Variants in DNAH7 observed in about 807,000 individuals in gnomAD.
DNAH7 encodes the protein axonemal beta dynein heavy chain 7.
A neutral mutation model predicts 444.6 loss-of-function variants in DNAH7; 397 were observed. The ratio of observed to expected loss-of-function variants is 0.89; its 90% confidence interval spans 0.82 to 0.97. The LOEUF (loss-of-function observed/expected upper bound fraction) is 0.97, where lower values mean the gene tolerates loss of function less well. DNAH7 is among the 50% of genes least tolerant of loss of function. The pLI is 0.00. For missense variants in DNAH7, 4,902 were observed against 4,800.8 expected (o/e 1.02, Z -0.62); for synonymous variants, 1,636 against 1,624.4 (o/e 1.01, Z -0.17).
chr2:195,912,091 C>T (rs576959842), intron 24 of DNAH7, among the ~76,000 whole-genome samples: 1 of 152,048 alleles, frequency 6.6e-6, no homozygotes, highest in Admixed American at 6.6e-5. Flanking sequence ...ATCATCAGGG[C>T]ATATAAAAGT....
At chr2:195,957,019 C>A (rs1690712355) in intron 19 of DNAH7, among the ~76,000 whole-genome samples, 1 of 152,120 alleles carries the variant, frequency 6.6e-6, no homozygotes, top group South Asian at 2.1e-4. Context: ...AATAACAGAA[C>A]CAAAGGTTGT....
At chr2:195,853,637 G>A (rs1220660872) in intron 45 of DNAH7, 109 bp from the exon 46 acceptor site, 2 of 1,136,608 alleles carry the variant, frequency 1.8e-6, no homozygotes, top group East Asian at 5.3e-5. Context: ...ACAGACTTCT[G>A]CCTGGGATTT....
At position 196,068,771 on chromosome 2, in the gene DNAH7, C is replaced by A; in HGVS notation, c.-60G>T. 1 of 1,545,570 alleles carries A rather than the reference C, an allele frequency of 6.5e-7. No homozygotes were observed. Among genetic ancestry groups the A allele is most frequent in the Non-Finnish European group, 8.7e-7 (1 of 1,144,706 alleles). ...TGGGTTGCTCCTGCCCGCGGAACCC[C>A]TAGGACGATAGAGGCAGGGCCCCGG... On this transcript the variant is annotated 5_prime_UTR_variant, in exon 1 of 65. It adds an upstream start codon to the 5' untranslated region. Transcript: ENST00000312428.
chr2:195,757,573 C>T (rs1694139857), intron 61 of DNAH7, among the ~76,000 whole-genome samples: 1 of 152,166 alleles, frequency 6.6e-6, no homozygotes, highest in Non-Finnish European at 1.5e-5. Flanking sequence ...CAAAACCCCG[C>T]TAAAACAGCA....
At chr2:195,812,665 C>G (rs1323733859) in intron 51 of DNAH7, among the ~76,000 whole-genome samples, 1 of 151,950 alleles carries the variant, frequency 6.6e-6, no homozygotes, top group Non-Finnish European at 1.5e-5. Flanking sequence ...AGAAGACAAA[C>G]AAGAATGAAA....
intron 25 of DNAH7, among the ~76,000 whole-genome samples, chr2:195,908,763 G>C (rs929724810): frequency 6.6e-6 from 1 of 152,042 alleles, no homozygotes; most frequent in African/African-American, 2.4e-5. Flanking sequence ...TACAGAGAAT[G>C]AATTAAAATG....
At chr2:195,769,303 T>G (rs1215942905) in intron 61 of DNAH7, among the ~76,000 whole-genome samples, 1 of 151,454 alleles carries the variant, frequency 6.6e-6, no homozygotes, top group Non-Finnish European at 1.5e-5. Flanking sequence ...GCTCAAACAA[T>G]CCTCCCAACT....
chr2:195,831,745 A>C (rs1297962611), intron 48 of DNAH7, among the ~76,000 whole-genome samples: 1 of 152,224 alleles, frequency 6.6e-6, no homozygotes, highest in African/African-American at 2.4e-5. Context: ...CACCAGACAA[A>C]GACAGAAGAC....
intron 51 of DNAH7, among the ~76,000 whole-genome samples, chr2:195,815,007 G>A (rs1211320972): frequency 6.6e-6 from 1 of 150,974 alleles, no homozygotes. Flanking sequence ...CTCCCAAAGT[G>A]CTGGGCTTAC....
At chr2:195,988,742 A>G (rs907494964) in intron 12 of DNAH7, among the ~76,000 whole-genome samples, 8 of 152,082 alleles carry the variant, frequency 5.3e-5, no homozygotes, top group Non-Finnish European at 1.2e-4. Context: ...ATTATTGTTA[A>G]CTATAGTCAC....
At chr2:195,939,710 A>G (rs914386612) in intron 19 of DNAH7, among the ~76,000 whole-genome samples, 3 of 152,106 alleles carry the variant, frequency 2.0e-5, no homozygotes, top group East Asian at 3.9e-4. Context: ...CCACCCACCA[A>G]TCTCATCAGC....
chr2:195,797,395 C>G (rs148919712), intron 55 of DNAH7, among the ~76,000 whole-genome samples: 174 of 152,280 alleles, frequency 1.1e-3, no homozygotes, highest in Middle Eastern at 0.01. Context: ...CTTATTGTCA[C>G]TAGCTGGTAG....
chr2:195,795,118 C>T (rs149466839), intron 56 of DNAH7, among the ~76,000 whole-genome samples: 294 of 152,322 alleles, frequency 1.9e-3, no homozygotes, highest in African/African-American at 5.7e-3. Context: ...TGATGGCTCA[C>T]GCCTGTAATC....
At chr2:195,778,628 AAAAATAAATAAAT>A (rs1695194641) in intron 58 of DNAH7, among the ~76,000 whole-genome samples, 2 of 47,202 alleles carry the variant, frequency 4.2e-5, no homozygotes, top group African/African-American at 2.0e-4. Flanking sequence ...GAAAAAAAAA[AAAAATAAATAAAT>A]AAATATATAT....
chr2:195,981,569 T>A (rs967886376), intron 15 of DNAH7, among the ~76,000 whole-genome samples: 1 of 152,020 alleles, frequency 6.6e-6, no homozygotes, highest in Non-Finnish European at 1.5e-5. Flanking sequence ...AATTATACTA[T>A]AGAGCTACAG....
intron 47 of DNAH7, among the ~76,000 whole-genome samples, chr2:195,837,861 C>T (rs1362158621): frequency 6.6e-6 from 1 of 152,048 alleles, no homozygotes; most frequent in Non-Finnish European, 1.5e-5. Context: ...TTTCTTACCA[C>T]TTTGCCCCCA....
At chr2:195,870,488 G>A (rs896090783) in intron 40 of DNAH7, among the ~76,000 whole-genome samples, 14 of 152,212 alleles carry the variant, frequency 9.2e-5, no homozygotes, top group South Asian at 2.1e-4. Context: ...ATGCTTCCTC[G>A]TGAGTTAGAT....
At chr2:195,893,580 C>A (rs1211672139) in intron 30 of DNAH7, 1 of 151,870 alleles carries the variant, frequency 6.6e-6, no homozygotes, top group Non-Finnish European at 1.5e-5. Context: ...TCTTTGCTTT[C>A]TTTTGTGTGC....
At chr2:195,956,098 A>G (rs1014707537) in intron 19 of DNAH7, among the ~76,000 whole-genome samples, 3 of 152,164 alleles carry the variant, frequency 2.0e-5, no homozygotes, top group Non-Finnish European at 2.9e-5. Flanking sequence ...TTTTCCTATC[A>G]GATCATATAG....
Sources: allele counts gnomAD v4.1 joint callset (sites outside exome capture counted in the v4.1 genomes callset), GRCh38; gene constraint gnomAD v4.1.1; transcripts MANE v1.5; gene names NCBI Gene and HGNC (gene_info 2026-07-23, HGNC 2026-07-21).